COL26A1: variants seen among roughly 807,000 people sequenced by gnomAD.
COL26A1 encodes the protein collagen type XXVI alpha 1 chain.
A neutral mutation model predicts 59.3 loss-of-function variants in COL26A1; 41 were observed. The observed-to-expected ratio is 0.69, with a 90% CI of 0.54 to 0.90. The LOEUF (loss-of-function observed/expected upper bound fraction) is 0.90, where lower values mean the gene tolerates loss of function less well. COL26A1 is among the 40% of genes least tolerant of loss of function. The probability of loss-of-function intolerance (pLI) is 0.00; values close to 1 mark genes in which losing one functional copy is unlikely to be tolerated. For missense variants in COL26A1, 612 were observed against 602.3 expected (o/e 1.02, Z -0.17); for synonymous variants, 266 against 256.0 (o/e 1.04, Z -0.37).
intron 3 of COL26A1, among the ~76,000 whole-genome samples, chr7:101,523,569 A>T (rs1200115382): frequency 6.6e-6 from 1 of 152,132 alleles, no homozygotes; most frequent in Non-Finnish European, 1.5e-5. Context: ...ATGGATTAGG[A>T]GTCAGATTCT....
At chr7:101,407,921 C>A (rs73712156) in intron 1 of COL26A1, among the ~76,000 whole-genome samples, 3 of 152,138 alleles carry the variant, frequency 2.0e-5, no homozygotes, top group African/African-American at 7.2e-5. Flanking sequence ...ATTTGCATAC[C>A]ATTAAGATGG....
chr7:101,537,067 C>G (rs1480822484), intron 4 of COL26A1, among the ~76,000 whole-genome samples: 4 of 152,208 alleles, frequency 2.6e-5, no homozygotes, highest in Admixed American at 2.6e-4. Flanking sequence ...GTCCTGATTC[C>G]TTTCCTGGGT....
chr7:101,513,802 G>A lies in COL26A1; in HGVS notation c.386-19280G>A, dbSNP rs192105134. Among the ~76,000 whole-genome samples the A allele has an allele frequency of 1.4e-4, 21 of 152,298 alleles. 1 individual carries two copies. The highest frequency in any genetic ancestry group is 5.1e-4 in the African/African-American group (21 of 41,568). ...TATGACAAAAGGCAGTGTTACCACAGCACAAACACATGCTACAGATTGGGA... is the reference window on the plus strand; with the variant it reads ...TATGACAAAAGGCAGTGTTACCACAACACAAACACATGCTACAGATTGGGA... On this transcript the variant is annotated intron_variant, in intron 3 of 12. Transcript: ENST00000313669.
At chr7:101,397,974 A>G (rs1791899281) in intron 1 of COL26A1, among the ~76,000 whole-genome samples, 1 of 152,190 alleles carries the variant, frequency 6.6e-6, no homozygotes, top group African/African-American at 2.4e-5. Flanking sequence ...GGCCCCCTAG[A>G]GGTAACCATG....
At chr7:101,436,803 C>T (rs1792927375) in intron 2 of COL26A1, among the ~76,000 whole-genome samples, 1 of 151,982 alleles carries the variant, frequency 6.6e-6, no homozygotes, top group Non-Finnish European at 1.5e-5. Flanking sequence ...GCAACCTCCA[C>T]CTCCTGATTT....
Position 101,553,368 on chromosome 7 carries a change from A to G in COL26A1, c.1072A>G (p.Thr358Ala). The part of the protein sequence containing the change: ...VKGEEGEKAA[T>A]AEGEGVQQLR... ...GGGGGAAGAAGGAGAGAAAGCCGCC[A>G]CTGCAGAGGTAACCATGGCTGCCCT... Residue 358 changes from threonine (T) to alanine (A), a missense_variant, in exon 11 of 13, where the codon ACT (threonine) becomes GCT (alanine). Physicochemically the swap from Thr to Ala is moderately conservative, Grantham distance 58. Coordinates refer to ENST00000313669, the MANE Select transcript of COL26A1 (RefSeq NM_001278563.3). 1 of 1,613,708 alleles carries G rather than the reference A, an allele frequency of 6.2e-7. No homozygotes were observed. Among genetic ancestry groups the G allele is most frequent in the Non-Finnish European group, 8.5e-7 (1 of 1,179,752 alleles).
intron 5 of COL26A1, 112 bp downstream of exon 5, chr7:101,540,161 C>A: frequency 4.4e-6 from 5 of 1,126,922 alleles, no homozygotes; most frequent in Non-Finnish European, 4.8e-6. Context: ...TTCCAACATG[C>A]CATGTGGCAT....
chr7:101,379,865 G>A (rs538253917), intron 1 of COL26A1, among the ~76,000 whole-genome samples: 1 of 152,340 alleles, frequency 6.6e-6, no homozygotes, highest in South Asian at 2.1e-4. Flanking sequence ...TCTAAAAAGG[G>A]AAGGCATGAA....
chr7:101,426,428 C>A (rs988893337), intron 2 of COL26A1, among the ~76,000 whole-genome samples: 12 of 152,254 alleles, frequency 7.9e-5, no homozygotes, highest in African/African-American at 2.9e-4. Flanking sequence ...TTTGACTGAA[C>A]TCTCCACCCA....
chr7:101,535,660 G>C (rs932676174), intron 4 of COL26A1, among the ~76,000 whole-genome samples: 3 of 152,190 alleles, frequency 2.0e-5, no homozygotes, highest in African/African-American at 7.2e-5. Context: ...GGGCTGGAGG[G>C]AGGGACAGCA....
chr7:101,494,921 A>C (rs1794548696), intron 3 of COL26A1, among the ~76,000 whole-genome samples: 1 of 152,134 alleles, frequency 6.6e-6, no homozygotes, highest in Non-Finnish European at 1.5e-5. Context: ...GTCGTGATTC[A>C]TCTCCTCTAT....
intron 3 of COL26A1, among the ~76,000 whole-genome samples, chr7:101,522,127 G>A (rs1375621676): frequency 2.6e-5 from 4 of 151,986 alleles, no homozygotes; most frequent in South Asian, 2.1e-4. Flanking sequence ...AATGAATTTC[G>A]TGCCTGTCTT....
intron 3 of COL26A1, among the ~76,000 whole-genome samples, chr7:101,484,357 A>T (rs979605007): frequency 6.6e-6 from 1 of 151,308 alleles, no homozygotes; most frequent in Non-Finnish European, 1.5e-5. Context: ...TCCACATCCT[A>T]TACTTCTTAT....
At chr7:101,494,811 C>A (rs1037697847) in intron 3 of COL26A1, among the ~76,000 whole-genome samples, 1 of 152,220 alleles carries the variant, frequency 6.6e-6, no homozygotes, top group South Asian at 2.1e-4. Context: ...TTGGTCCCGG[C>A]GCCATGGCTG....
At chr7:101,514,573 A>G (rs563648986) in intron 3 of COL26A1, among the ~76,000 whole-genome samples, 18 of 152,044 alleles carry the variant, frequency 1.2e-4, no homozygotes, top group Middle Eastern at 3.4e-3. Flanking sequence ...GGGGACAGTG[A>G]GCTATGGCTA....
intron 3 of COL26A1, among the ~76,000 whole-genome samples, chr7:101,524,308 A>G (rs1795197470): frequency 6.6e-6 from 1 of 151,882 alleles, no homozygotes; most frequent in Middle Eastern, 3.2e-3. Flanking sequence ...AGTGACATCG[A>G]TGATTAATCA....
At chr7:101,436,645 G>A (rs1792922866) in intron 2 of COL26A1, among the ~76,000 whole-genome samples, 1 of 151,962 alleles carries the variant, frequency 6.6e-6, no homozygotes, top group East Asian at 1.9e-4. Flanking sequence ...AGACCAGAGA[G>A]CCAAGACCTC....
intron 2 of COL26A1, among the ~76,000 whole-genome samples, chr7:101,423,850 A>G (rs575248624): frequency 2.0e-4 from 31 of 152,288 alleles, no homozygotes; most frequent in African/African-American, 7.0e-4. Flanking sequence ...CAGGGCTGAC[A>G]TGAATTTGTC....
At position 101,461,460 on chromosome 7, in the gene COL26A1, G is replaced by A. The variant is rs187734922; in HGVS notation, c.385+13673G>A. ...ATTACAGATGCCCGCCACTACACCC[G>A]GGTAATTTTGTATTTTTAGTAGAGA... On this transcript the variant is annotated intron_variant, in intron 3 of 12. Transcript: ENST00000313669. 5.3e-5 allele frequency among the ~76,000 whole-genome samples: 8 copies of A among 152,046 alleles called. No homozygotes were observed. The East Asian group carries it at 5.8e-4, about 11-fold the overall frequency.
Sources: allele counts gnomAD v4.1 joint callset (sites outside exome capture counted in the v4.1 genomes callset), GRCh38; gene constraint gnomAD v4.1.1; transcripts MANE v1.5; gene names NCBI Gene and HGNC (gene_info 2026-07-23, HGNC 2026-07-21).